CDH12: variants seen among roughly 807,000 people sequenced by gnomAD.
CDH12 encodes the protein cadherin-12.
CDH12 carries 41 observed loss-of-function variants against 74.1 expected under a neutral mutation model. The ratio of observed to expected loss-of-function variants is 0.55; its 90% CI spans 0.43 to 0.72. The LOEUF (loss-of-function observed/expected upper bound fraction) is 0.72, where lower values mean the gene tolerates loss of function less well. Ranked by LOEUF, CDH12 falls within the 30% of genes least tolerant of loss-of-function variation. The pLI is 0.00. For synonymous variants in CDH12, 399 were observed against 355.0 expected, an observed-to-expected ratio of 1.12 and a Z score of -1.39; for missense variants, 945 against 977.2, an observed-to-expected ratio of 0.97 and a Z score of 0.44.
intron 4 of CDH12, among the ~76,000 whole-genome samples, chr5:22,200,188 CAA>C (rs1190919572): frequency 2.6e-5 from 4 of 152,080 alleles, no homozygotes; most frequent in Non-Finnish European, 5.9e-5. Flanking sequence ...TTCTCAAACA[CAA>C]GAGATCAAAG....
intron 3 of CDH12, among the ~76,000 whole-genome samples, chr5:22,237,601 A>C (rs1387594512): frequency 6.6e-6 from 1 of 151,902 alleles, no homozygotes; most frequent in Non-Finnish European, 1.5e-5. Flanking sequence ...CAGCCTCCAG[A>C]ACTAGGAGAA....
intron 1 of CDH12, among the ~76,000 whole-genome samples, chr5:22,599,099 C>T (rs1031807530): frequency 2.2e-4 from 33 of 152,164 alleles, no homozygotes; most frequent in Admixed American, 2.0e-4. Flanking sequence ...TGTAGGCCCA[C>T]ACATCCAACA....
intron 1 of CDH12, among the ~76,000 whole-genome samples, chr5:22,572,852 C>A (rs1739606673): frequency 1.3e-5 from 2 of 152,094 alleles, no homozygotes; most frequent in East Asian, 3.9e-4. Flanking sequence ...CTAAAGGTTG[C>A]CCTCATTCAT....
At chr5:22,820,758 A>G (rs1561054798) in intron 1 of CDH12, among the ~76,000 whole-genome samples, 1 of 152,176 alleles carries the variant, frequency 6.6e-6, no homozygotes, top group Non-Finnish European at 1.5e-5. Context: ...TACCAATCAA[A>G]AAAAGTCCAG....
At chr5:22,705,128 T>TACACAC (rs1467369851) in intron 1 of CDH12, among the ~76,000 whole-genome samples, 27 of 86,460 alleles carry the variant, frequency 3.1e-4, no homozygotes, top group Middle Eastern at 5.1e-3. Flanking sequence ...TATATATATA[T>TACACAC]ATACACACAC....
chr5:22,690,375 A>G (rs945023949), intron 1 of CDH12, among the ~76,000 whole-genome samples: 26 of 152,182 alleles, frequency 1.7e-4, no homozygotes, highest in African/African-American at 5.8e-4. Flanking sequence ...TGGCCATCCA[A>G]GTTTTATTAC....
intron 1 of CDH12, among the ~76,000 whole-genome samples, chr5:22,762,062 G>A (rs920537217): frequency 1.3e-5 from 2 of 152,030 alleles, no homozygotes; most frequent in Non-Finnish European, 2.9e-5. Context: ...ATTCAGAGAT[G>A]TAAATTGATT....
Position 22,108,297 on chromosome 5 carries a change from T to A in CDH12, c.-186-29435A>T, listed in dbSNP as rs187758950. Among the ~76,000 whole-genome samples the A allele has an allele frequency of 7.2e-5, 11 of 152,352 alleles. 1 individual carries two copies. The highest frequency in any genetic ancestry group is 1.3e-4 in the Non-Finnish European group (9 of 68,028). ...CTTCCTTCGTCTTCTGCCACGACTG[T>A]GAGGACTCCCCAGCTATGTGGAACT... On this transcript the variant is annotated intron_variant, in intron 4 of 14. Coordinates refer to ENST00000382254, the MANE Select transcript of CDH12 (RefSeq NM_004061.5).
chr5:21,856,904 C>A (rs1750782375), intron 6 of CDH12, among the ~76,000 whole-genome samples: 1 of 151,784 alleles, frequency 6.6e-6, no homozygotes, highest in Non-Finnish European at 1.5e-5. Flanking sequence ...TAGGTTAATC[C>A]TTCTTTAGTG....
chr5:21,932,473 C>G (rs149439503), intron 6 of CDH12, among the ~76,000 whole-genome samples: 1 of 152,246 alleles, frequency 6.6e-6, no homozygotes, highest in East Asian at 1.9e-4. Flanking sequence ...ATACTCAGCT[C>G]TCTGCAGAGG....
chr5:22,150,082 G>T (rs1191086173), intron 4 of CDH12, among the ~76,000 whole-genome samples: 1 of 152,074 alleles, frequency 6.6e-6, no homozygotes, highest in East Asian at 1.9e-4. Flanking sequence ...TTAGTACATG[G>T]TTTCAATGAT....
chr5:22,554,021 T>C (rs1267841849), intron 1 of CDH12, among the ~76,000 whole-genome samples: 1 of 152,192 alleles, frequency 6.6e-6, no homozygotes, highest in Non-Finnish European at 1.5e-5. Flanking sequence ...AGCACATATC[T>C]ACTATAATGT....
intron 5 of CDH12, among the ~76,000 whole-genome samples, chr5:22,031,547 TC>T (rs1738827422): frequency 1.3e-5 from 2 of 152,220 alleles, no homozygotes; most frequent in African/African-American, 2.4e-5. Context: ...AGCCTACCTT[TC>T]AGCCTATCTC....
intron 3 of CDH12, among the ~76,000 whole-genome samples, chr5:22,286,573 C>G (rs1283891903): frequency 1.3e-5 from 2 of 152,036 alleles, no homozygotes; most frequent in African/African-American, 2.4e-5. Flanking sequence ...ACAATGTGAA[C>G]CAGAATGTCA....
At chr5:22,669,494 C>T (rs1311594104) in intron 1 of CDH12, among the ~76,000 whole-genome samples, 5 of 152,100 alleles carry the variant, frequency 3.3e-5, no homozygotes, top group Non-Finnish European at 7.4e-5. Context: ...ACATATGCAA[C>T]CAAAAGGCTA....
chr5:22,118,600 T>C (rs557538019), intron 4 of CDH12, among the ~76,000 whole-genome samples: 223 of 152,158 alleles, frequency 1.5e-3, no homozygotes, highest in Non-Finnish European at 2.6e-3. Context: ...CTTTCACACA[T>C]GAAAAAGTGC....
At chr5:22,150,359 A>T (rs1747483504) in intron 4 of CDH12, among the ~76,000 whole-genome samples, 1 of 152,164 alleles carries the variant, frequency 6.6e-6, no homozygotes, top group Non-Finnish European at 1.5e-5. Flanking sequence ...AAGAATGCAA[A>T]GCCCTCAAAG....
At chr5:22,436,452 T>C (rs1002600427) in intron 2 of CDH12, among the ~76,000 whole-genome samples, 5 of 150,930 alleles carry the variant, frequency 3.3e-5, no homozygotes, top group African/African-American at 2.4e-5. Context: ...AAAAAATATA[T>C]ATATAAAGCA....
At chr5:21,838,269 T>G (rs572866152) in intron 8 of CDH12, among the ~76,000 whole-genome samples, 1 of 152,258 alleles carries the variant, frequency 6.6e-6, no homozygotes, top group South Asian at 2.1e-4. Flanking sequence ...CTTTAAAAGT[T>G]CCAGTGCTGG....
Sources: allele counts gnomAD v4.1 joint callset (sites outside exome capture counted in the v4.1 genomes callset), GRCh38; gene constraint gnomAD v4.1.1; transcripts MANE v1.5; gene names NCBI Gene and HGNC (gene_info 2026-07-23, HGNC 2026-07-21).